The following SAMD3 variants were observed in gnomAD, a reference collection of about 807,000 sequenced individuals.
SAMD3 encodes the protein sterile alpha motif domain-containing protein 3.
Under a neutral mutation model 58.5 loss-of-function variants are expected in SAMD3, and 63 were observed. That is an observed-to-expected ratio of 1.08 (90% CI 0.88 to 1.33). SAMD3 has a LOEUF of 1.33. Ranked by LOEUF, SAMD3 falls within the 40% of genes most tolerant of loss-of-function variation. The pLI is 0.00. For synonymous variants in SAMD3, 220 were observed against 210.3 expected (o/e 1.05, Z -0.40); for missense variants, 604 against 608.4 (o/e 0.99, Z 0.08).
chr6:130,339,083 G>T (rs1044588397), intron 1 of SAMD3, among the ~76,000 whole-genome samples: 36 of 152,200 alleles, frequency 2.4e-4, no homozygotes, highest in Admixed American at 3.9e-4. Context: ...GTCTCCCTTT[G>T]TTGCCCAGGC....
At chr6:130,346,630 C>T (rs1423851896) in intron 1 of SAMD3, among the ~76,000 whole-genome samples, 1 of 152,260 alleles carries the variant, frequency 6.6e-6, no homozygotes, top group East Asian at 1.9e-4. Context: ...GCCTGCCTGC[C>T]TCTGTAGACT....
intron 7 of SAMD3, among the ~76,000 whole-genome samples, chr6:130,180,283 G>T (rs1792171527): frequency 8.4e-6 from 1 of 118,692 alleles, no homozygotes; most frequent in African/African-American, 3.2e-5. Context: ...ACCATACCTG[G>T]CTAATTTTTT....
chr6:130,196,627 C>A (rs1263781501), intron 5 of SAMD3, among the ~76,000 whole-genome samples: 100 of 152,334 alleles, frequency 6.6e-4, no homozygotes, highest in Non-Finnish European at 1.4e-3. Context: ...GGAAATCTAT[C>A]CTCAAGGAAA....
At chr6:130,150,435 C>G (rs929267098) in intron 9 of SAMD3, among the ~76,000 whole-genome samples, 4 of 152,288 alleles carry the variant, frequency 2.6e-5, no homozygotes, top group Admixed American at 2.6e-4. Flanking sequence ...ACTGTAACCT[C>G]TAGTGATCCA....
At chr6:130,298,244 A>C (rs1775633677) in intron 2 of SAMD3, among the ~76,000 whole-genome samples, 2 of 152,200 alleles carry the variant, frequency 1.3e-5, no homozygotes, top group African/African-American at 4.8e-5. Flanking sequence ...CTTCTTAAAG[A>C]AAAGAAAATG....
chr6:130,185,019 C>A (rs543933964), intron 5 of SAMD3, among the ~76,000 whole-genome samples: 152 of 152,308 alleles, frequency 1.0e-3, no homozygotes, highest in African/African-American at 3.5e-3. Context: ...AGTCTTAGCA[C>A]CTGTTAAGAA....
Position 130,232,660 on chromosome 6 carries a change from T to C in SAMD3, c.-187-9847A>G, listed in dbSNP as rs1371240484. Among the ~76,000 whole-genome samples the C allele has an allele frequency of 4.1e-5, 6 of 147,846 alleles. No homozygotes were observed. In the South Asian group the frequency reaches 6.8e-4, roughly 17 times the overall value. The stretch of plus-strand genomic sequence containing the variant: ...GATGTATGACTTTGAACAAGTTACA[T>C]AACCCTAAACCTCCTTTTCCTCATC... On this transcript the variant is annotated intron_variant, in intron 2 of 13. Transcript: ENST00000368134.
At chr6:130,229,304 G>C (rs545880277) in intron 2 of SAMD3, among the ~76,000 whole-genome samples, 1 of 152,284 alleles carries the variant, frequency 6.6e-6, no homozygotes, top group East Asian at 1.9e-4. Context: ...TTCCCCACTA[G>C]AGCACCCATT....
chr6:130,207,159 C>CAAA (rs376844642), intron 5 of SAMD3, among the ~76,000 whole-genome samples: 7 of 52,690 alleles, frequency 1.3e-4, no homozygotes, highest in African/African-American at 4.6e-4. Flanking sequence ...CCCATCTCAT[C>CAAA]AAAAAAAAAA....
intron 1 of SAMD3, among the ~76,000 whole-genome samples, chr6:130,345,775 C>T (rs1312024226): frequency 1.3e-5 from 2 of 152,152 alleles, no homozygotes; most frequent in East Asian, 3.9e-4. Context: ...AGAAGCCTGC[C>T]TGACTTCACA....
Position 130,246,883 on chromosome 6 carries a change from T to A in SAMD3, c.-187-24070A>T, listed in dbSNP as rs575363860. Reference sequence around the variant, plus strand: ...CAGCCTGGGTAACAGAACGAGACTGTCACAATTGAAAAGGTAAATGTGAGT... The same window carrying A: ...CAGCCTGGGTAACAGAACGAGACTGACACAATTGAAAAGGTAAATGTGAGT... On this transcript the variant is annotated intron_variant, in intron 2 of 13. Transcript: ENST00000368134. Among the ~76,000 whole-genome samples, 154 of 152,158 alleles carry A rather than the reference T, an allele frequency of 1.0e-3. 1 individual carries two copies. The highest frequency in any genetic ancestry group is 3.5e-3 in the African/African-American group (145 of 41,518).
chr6:130,170,604 G>A (rs1791159892), intron 8 of SAMD3, among the ~76,000 whole-genome samples: 1 of 152,062 alleles, frequency 6.6e-6, no homozygotes, highest in African/African-American at 2.4e-5. Flanking sequence ...CTTTTCCTTT[G>A]TGTCCTGTCT....
At chr6:130,308,540 A>G (rs560217136) in intron 2 of SAMD3, among the ~76,000 whole-genome samples, 16 of 151,818 alleles carry the variant, frequency 1.1e-4, no homozygotes, top group African/African-American at 3.6e-4. Flanking sequence ...CCCAATTTTG[A>G]TGGTAACACA....
chr6:130,207,545 C>T (rs558765719), intron 5 of SAMD3, among the ~76,000 whole-genome samples: 1 of 152,236 alleles, frequency 6.6e-6, no homozygotes, highest in Non-Finnish European at 1.5e-5. Flanking sequence ...TTAGCAGCTT[C>T]GTGTTGGAAG....
chr6:130,245,398 T>G lies in SAMD3; in HGVS notation c.-187-22585A>C, dbSNP rs755265089. Among the ~76,000 whole-genome samples the G allele has an allele frequency of 7.2e-5, 11 of 152,346 alleles. No individual in the cohort carries two copies. In the South Asian group the frequency reaches 1.2e-3, roughly 17 times the overall value. On this transcript the variant is annotated intron_variant, in intron 2 of 13. Coordinates refer to the SAMD3 transcript ENST00000368134. ...AACTCCCACTTTTTTCAGGGTGCCA[T>G]GTGTTTCCAAGTATAAACAAGGGAA...
At chr6:130,253,770 T>C (rs567931708) in intron 2 of SAMD3, among the ~76,000 whole-genome samples, 1 of 151,418 alleles carries the variant, frequency 6.6e-6, no homozygotes, top group African/African-American at 2.4e-5. Flanking sequence ...TGGAGGGGGG[T>C]ATATCTTTGT....
intron 1 of SAMD3, among the ~76,000 whole-genome samples, chr6:130,351,158 A>G (rs868459999): frequency 6.6e-6 from 1 of 152,248 alleles, no homozygotes. Context: ...CTCAGGACAT[A>G]GGCATGGACA....
intron 5 of SAMD3, among the ~76,000 whole-genome samples, chr6:130,187,135 A>G (rs998788678): frequency 6.6e-6 from 1 of 152,084 alleles, no homozygotes; most frequent in Non-Finnish European, 1.5e-5. Context: ...TAATCTTAGC[A>G]TCTATTTCCT....
Position 130,201,879 on chromosome 6 carries a change from A to T in SAMD3, c.383+7616T>A, listed in dbSNP as rs547893761. On this transcript the variant is annotated intron_variant, in intron 5 of 11. Coordinates refer to ENST00000439090, the MANE Select transcript of SAMD3 (RefSeq NM_001017373.4). ...CCACGCTTACTTCCCAGAAAGTCTTATTTCTCCCTCTCTCTGTGTTACTTC... is the reference window on the plus strand; with the variant it reads ...CCACGCTTACTTCCCAGAAAGTCTTTTTTCTCCCTCTCTCTGTGTTACTTC... Among the ~76,000 whole-genome samples, 4 of 152,094 alleles carry T rather than the reference A, an allele frequency of 2.6e-5. No individual in the cohort carries two copies. The East Asian group carries it at 5.8e-4, about 22-fold the overall frequency.
Sources: gnomAD v4.1 joint callset for allele counts (sites outside exome capture counted in the v4.1 genomes callset) on GRCh38, gnomAD v4.1.1 for gene constraint, MANE v1.5 for transcripts, NCBI Gene and HGNC (gene_info 2026-07-23, HGNC 2026-07-21) for gene names.